The following PFKFB2 variants were observed in gnomAD, a reference collection of about 807,000 sequenced individuals.
PFKFB2 encodes the protein 6-phosphofructo-2-kinase/fructose-2,6-bisphosphatase 2.
A neutral mutation model predicts 68.0 loss-of-function variants in PFKFB2; 53 were observed. That is an observed-to-expected ratio of 0.78 (90% CI 0.63 to 0.98). PFKFB2 has a LOEUF of 0.98. Ranked by LOEUF, PFKFB2 falls within the 50% of genes least tolerant of loss-of-function variation. The pLI is 0.00. For synonymous variants in PFKFB2, 222 were observed against 227.6 expected (o/e 0.98, Z 0.22); for missense variants, 451 against 642.0 (o/e 0.70, Z 3.22).
At chr1:207,038,527 C>T (rs1682420651) in intron 1 of PFKFB2, among the ~76,000 whole-genome samples, 1 of 152,188 alleles carries the variant, frequency 6.6e-6, no homozygotes, top group Admixed American at 6.5e-5. Context: ...TTTGCAAATG[C>T]TGTACCCTCT....
chr1:207,037,981 C>T (rs11120093), intron 1 of PFKFB2, among the ~76,000 whole-genome samples: 52,445 of 151,956 alleles, frequency 0.35, 9,694 homozygotes, highest in Middle Eastern at 0.48. Flanking sequence ...TAATGCTCAC[C>T]GTCATCACTT....
intron 2 of PFKFB2, chr1:207,044,138 T>G (rs1682536624): frequency 6.6e-6 from 1 of 152,486 alleles, no homozygotes; most frequent in South Asian, 2.1e-4. Context: ...TCAAGTCATA[T>G]TCTAAAGCTC....
chr1:207,080,784 TAA>T (rs1192861530), downstream of PFKFB2: 1 of 152,148 alleles, frequency 6.6e-6, no homozygotes, highest in Non-Finnish European at 1.5e-5. Flanking sequence ...CATATTAACT[TAA>T]GTTAAATTTC....
In PFKFB2 at chr1:207,072,722, C is replaced by T. The variant is rs946431606; in HGVS notation, c.*351C>T. Reference sequence around the variant, plus strand: ...TTCTCTCTGTTCCCTGGTGTCTTCACTAATGTCCTCATGTTGGTGAAGTGT... The same window carrying T: ...TTCTCTCTGTTCCCTGGTGTCTTCATTAATGTCCTCATGTTGGTGAAGTGT... On this transcript the variant is annotated 3_prime_UTR_variant, in exon 15 of 15. Coordinates refer to ENST00000367080, the MANE Select transcript of PFKFB2 (RefSeq NM_006212.2). 1.9e-5 allele frequency: 20 copies of T among 1,037,712 alleles called. No homozygotes were observed. The African/African-American group carries it at 2.4e-4, about 12-fold the overall frequency. The allele number at this position is 1,037,712 out of a possible 1,614,324, so 64.3% of individuals were successfully genotyped here. A position where few individuals can be genotyped will look rare whatever the true frequency, so the allele number is the denominator to read the frequency against.
chr1:207,037,977 T>C (rs1331068068), intron 1 of PFKFB2, among the ~76,000 whole-genome samples: 2 of 152,218 alleles, frequency 1.3e-5, no homozygotes, highest in Admixed American at 6.5e-5. Flanking sequence ...ATGATAATGC[T>C]CACCGTCATC....
At chr1:207,050,165 T>C (rs1017129204), upstream of PFKFB2, among the ~76,000 whole-genome samples, 2 of 152,128 alleles carry the variant, frequency 1.3e-5, no homozygotes, top group African/African-American at 4.8e-5. Context: ...GATGTTCAAG[T>C]TTTGATATGG....
Position 207,071,503 on chromosome 1 carries a change from T to C in PFKFB2, c.1286-6T>C. 1.9e-6 allele frequency: 3 copies of C among 1,612,230 alleles called. No individual in the cohort carries two copies. Among genetic ancestry groups the C allele is most frequent in the Non-Finnish European group, 2.5e-6 (3 of 1,178,304 alleles). On this transcript the variant is annotated splice_region_variant and splice_polypyrimidine_tract_variant and intron_variant, in intron 13 of 14. Coordinates refer to ENST00000367080, the MANE Select transcript of PFKFB2 (RefSeq NM_006212.2). ...TTTAAGTCCTCTCTTTCCTCTGTTT[T>C]CTCAGGGTGCAAAGTGGAAACAATT...
chr1:207,072,780 AC>A lies in PFKFB2; in HGVS notation c.*410del. On this transcript the variant is annotated 3_prime_UTR_variant, in exon 15 of 15. Transcript: ENST00000367080. Reference sequence around the variant, plus strand: ...TGGAGGGCGGGTGAGCAGTCGGGGGACAAAAAGTCTATTTTTCCTTCACTTT... The same window carrying A: ...TGGAGGGCGGGTGAGCAGTCGGGGGAAAAAAGTCTATTTTTCCTTCACTTT... 2.0e-6 allele frequency: 2 copies of A among 1,001,350 alleles called. No homozygotes were observed. The highest frequency in any genetic ancestry group is 2.4e-6 in the Non-Finnish European group (2 of 840,570). 62.0% of individuals were successfully genotyped at this position (1,001,350 alleles called of 1,614,324 possible).
At chr1:207,056,749 A>G (rs1485092826) in intron 2 of PFKFB2, among the ~76,000 whole-genome samples, 1 of 151,842 alleles carries the variant, frequency 6.6e-6, no homozygotes, top group Non-Finnish European at 1.5e-5. Flanking sequence ...TGATTTATTT[A>G]CCCTATTCTC....
At chr1:207,049,029 T>A (rs767930885), upstream of PFKFB2, 1 of 1,613,342 alleles carries the variant, frequency 6.2e-7, no homozygotes, top group Non-Finnish European at 8.5e-7. Flanking sequence ...GTCACACTTC[T>A]CCAAAGTTGG....
At chr1:207,042,549 C>CA (rs57077682) in intron 2 of PFKFB2, among the ~76,000 whole-genome samples, 1,565 of 44,648 alleles carry the variant, frequency 0.035, 305 homozygotes, top group East Asian at 0.12. Flanking sequence ...CTCTGTCTCA[C>CA]AAAAAAAAAA....
rs756682999 is a variant in PFKFB2, at chr1:207,071,051, G to T, written c.1223-137G>T. 7 of 695,428 alleles carry T rather than the reference G, an allele frequency of 1.0e-5. No homozygotes were observed. In the South Asian group the frequency reaches 1.2e-4, roughly 12 times the overall value. The allele number at this position is 695,428 out of a possible 1,614,324, so 43.1% of individuals were successfully genotyped here. A position where few individuals can be genotyped will look rare whatever the true frequency, so the allele number is the denominator to read the frequency against. ...GGTGGCTTTGTGGTCTGGGGTTTAA[G>T]GGAGGAGTTGTACAACTCTAAGAGG... On this transcript the variant is annotated intron_variant, in intron 12 of 14. Coordinates refer to ENST00000367080, the MANE Select transcript of PFKFB2 (RefSeq NM_006212.2).
Position 207,061,990 on chromosome 1 carries a change from C to T in PFKFB2, c.123C>T (p.Ile41=), listed in dbSNP as rs755740499. 6 of 1,614,166 alleles carry T rather than the reference C, an allele frequency of 3.7e-6. No homozygotes were observed. The highest frequency in any genetic ancestry group is 1.7e-5 in the Admixed American group (1 of 60,028). ...ACATGACCAACTCCCCGACTCTGAT[C>T]GTTATGATTGGTTTGCCAGCCCGGG... ...ASYMTNSPTL[I]VMIGLPARGK... is the part of the protein sequence containing the mutation. Residue 41 remains isoleucine, a synonymous_variant, in exon 3 of 15, where the codon ATC becomes ATT. Transcript: ENST00000367080.
Position 207,063,392 on chromosome 1 carries a change from T to C in PFKFB2, c.421T>C (p.Leu141=), listed in dbSNP as rs1683175053. ...AACCCGGGAGAGGAGGGACATGATTTTGAACTTTGCTGAACAGAATTCCTT... is the reference window on the plus strand; with the variant it reads ...AACCCGGGAGAGGAGGGACATGATTCTGAACTTTGCTGAACAGAATTCCTT... ...NTTRERRDMI[L]NFAEQNSFKV... is the part of the protein sequence containing the mutation. The change falls in exon 6 of 15, where the codon TTG becomes CTG. Residue 141 remains leucine, a synonymous_variant. Coordinates refer to ENST00000367080, the MANE Select transcript of PFKFB2 (RefSeq NM_006212.2). The surrounding 1 kb of genome is among the most constrained non-coding windows in gnomAD (Gnocchi z 4.1). 3 of 1,613,848 alleles carry C rather than the reference T, an allele frequency of 1.9e-6. No individual in the cohort carries two copies. The highest frequency in any genetic ancestry group is 1.7e-4 in the Middle Eastern group (1 of 6,060).
intron 1 of PFKFB2, among the ~76,000 whole-genome samples, 187 bp downstream of exon 1, chr1:207,053,553 G>A (rs576564923): frequency 1.3e-5 from 2 of 152,340 alleles, no homozygotes; most frequent in South Asian, 4.1e-4. Context: ...AAGGAATCGT[G>A]TAAGGCTCTT....
At chr1:207,043,309 T>A (rs1166822643) in intron 2 of PFKFB2, among the ~76,000 whole-genome samples, 1 of 152,244 alleles carries the variant, frequency 6.6e-6, no homozygotes, top group Non-Finnish European at 1.5e-5. Context: ...TATTTTATGC[T>A]GCTGTACAAA....
chr1:207,057,312 A>AAAC (rs1682953499), intron 2 of PFKFB2, among the ~76,000 whole-genome samples: 1 of 147,558 alleles, frequency 6.8e-6, no homozygotes, highest in African/African-American at 2.5e-5. Context: ...CAAAAAAAAA[A>AAAC]AAAAAAAAAA....
intron 2 of PFKFB2, chr1:207,043,781 A>G (rs1250754838): frequency 6.6e-6 from 1 of 152,628 alleles, no homozygotes; most frequent in Non-Finnish European, 1.5e-5. Flanking sequence ...GCTTTTGATA[A>G]TATGTATATT....
chr1:207,052,032 A>G (rs1682765042), upstream of PFKFB2, among the ~76,000 whole-genome samples: 2 of 152,236 alleles, frequency 1.3e-5, no homozygotes, highest in African/African-American at 4.8e-5. Flanking sequence ...CCCTGAATTT[A>G]TATCTCTCTT....
Sources: gnomAD v4.1 joint callset for allele counts (sites outside exome capture counted in the v4.1 genomes callset) on GRCh38, gnomAD v4.1.1 for gene constraint, Gnocchi (gnomAD v3.1) non-coding constraint, MANE v1.5 for transcripts, NCBI Gene and HGNC (gene_info 2026-07-23, HGNC 2026-07-21) for gene names.